CEP170: variants seen among roughly 807,000 people sequenced by gnomAD.
CEP170 encodes centrosomal protein 170.
In CEP170, 21 loss-of-function variants were observed where a neutral mutation model predicts 151.9. The observed-to-expected ratio is 0.14, with a 90% CI of 0.10 to 0.20. The LOEUF (loss-of-function observed/expected upper bound fraction) is 0.20. CEP170 is among the 10% of genes least tolerant of loss of function. The pLI, the probability that CEP170 is intolerant of heterozygous loss-of-function variation, is 1.00. For synonymous variants in CEP170, 356 were observed against 648.8 expected, an observed-to-expected ratio of 0.55 and a Z score of 6.86; for missense variants, 964 against 1,892.9, an observed-to-expected ratio of 0.51 and a Z score of 9.11.
At chr1:243,159,436 TTCTTTCTTAACA>T (rs1229961619) in intron 13 of CEP170, among the ~76,000 whole-genome samples, 1 of 152,202 alleles carries the variant, frequency 6.6e-6, no homozygotes, top group East Asian at 1.9e-4. Context: ...TTTCAAAACT[TTCTTTCTTAACA>T]TTTGCTTCCA....
At position 243,191,991 on chromosome 1, in the gene CEP170, A is replaced by G. The variant is rs140675986; in HGVS notation, c.632-497T>C. ...AAATGAGAATACAAACATGAAGTAA[A>G]TATGTAAGTGATCTTCTGGAAGTAA... On this transcript the variant is annotated intron_variant, in intron 7 of 19. Transcript: ENST00000366542. 7.2e-3 allele frequency among the ~76,000 whole-genome samples: 1,091 copies of G among 152,320 alleles called. 11 individuals are homozygous for G. The highest frequency in any genetic ancestry group is 0.025 in the African/African-American group (1,024 of 41,588).
Position 243,155,627 on chromosome 1 carries a change from TAA to T in CEP170, c.3911+592_3911+593del, listed in dbSNP as rs556262896. 2.3e-3 allele frequency among the ~76,000 whole-genome samples: 355 copies of T among 152,260 alleles called. 1 individual carries two copies. Among genetic ancestry groups the T allele is most frequent in the African/African-American group, 8.3e-3 (346 of 41,550 alleles). On this transcript the variant is annotated intron_variant, in intron 14 of 19. Coordinates refer to ENST00000366542, the MANE Select transcript of CEP170 (RefSeq NM_014812.3). Reference sequence around the variant, plus strand: ...AGCCATAGTAAGTTATTAATTTCCATAAGTTATTAATTAAAAATCATATCTGC... The same window carrying T: ...AGCCATAGTAAGTTATTAATTTCCATGTTATTAATTAAAAATCATATCTGC...
intron 13 of CEP170, among the ~76,000 whole-genome samples, chr1:243,159,803 T>TGTG (rs1558452605): frequency 3.9e-5 from 2 of 51,764 alleles, no homozygotes; most frequent in African/African-American, 9.6e-5. Flanking sequence ...GTGTGTGTGT[T>TGTG]TTTGAGATGG....
intron 1 of CEP170, among the ~76,000 whole-genome samples, chr1:243,227,546 T>G (rs112041362): frequency 9.8e-5 from 15 of 152,316 alleles, no homozygotes; most frequent in African/African-American, 3.4e-4. Context: ...GGGTCAGATT[T>G]AATACAATTA....
intron 3 of CEP170, among the ~76,000 whole-genome samples, chr1:243,212,750 A>G (rs1007905604): frequency 1.3e-5 from 2 of 151,606 alleles, no homozygotes; most frequent in African/African-American, 4.9e-5. Context: ...TGCAGCCTTG[A>G]TTTCCTGGGC....
At chr1:243,203,592 T>C (rs1243583935) in intron 4 of CEP170, among the ~76,000 whole-genome samples, 2 of 152,142 alleles carry the variant, frequency 1.3e-5, no homozygotes, top group Admixed American at 6.5e-5. Flanking sequence ...TCAAAAATCA[T>C]GTCAGATAAT....
At chr1:243,155,649 A>G (rs1475439725) in intron 14 of CEP170, among the ~76,000 whole-genome samples, 3 of 152,128 alleles carry the variant, frequency 2.0e-5, no homozygotes, top group African/African-American at 7.2e-5. Flanking sequence ...TAAAAATCAT[A>G]TCTGCAGCAT....
intron 14 of CEP170, among the ~76,000 whole-genome samples, chr1:243,154,193 G>C (rs1490185954): frequency 2.0e-5 from 3 of 152,258 alleles, no homozygotes; most frequent in African/African-American, 7.2e-5. Context: ...AACAGAAAGA[G>C]TATGCTAAAG....
intron 1 of CEP170, among the ~76,000 whole-genome samples, chr1:243,240,727 C>G (rs1359152454): frequency 6.0e-5 from 9 of 150,632 alleles, no homozygotes; most frequent in Non-Finnish European, 1.2e-4. Flanking sequence ...AGTTTTTGCT[C>G]TGTTGCCCAG....
At chr1:243,197,841 C>G (rs560798662) in intron 7 of CEP170, among the ~76,000 whole-genome samples, 13 of 152,004 alleles carry the variant, frequency 8.6e-5, no homozygotes, top group Admixed American at 1.3e-4. Context: ...CTAAGTAATA[C>G]TGTTTCTGTG....
chr1:243,212,110 G>C, intron 3 of CEP170, 146 bp from the exon 4 acceptor site: 24 of 932,602 alleles, frequency 2.6e-5, no homozygotes, highest in Non-Finnish European at 3.5e-5. Context: ...GTGCCATGCA[G>C]CCTGTAGGCT....
chr1:243,189,118 TACATA>T (rs886207369), intron 8 of CEP170, among the ~76,000 whole-genome samples: 64 of 152,332 alleles, frequency 4.2e-4, no homozygotes, highest in African/African-American at 1.5e-3. Context: ...GTAATATGAT[TACATA>T]ATTTCTAGTA....
intron 10 of CEP170, chr1:243,176,921 T>C (rs577872090): frequency 8.5e-6 from 3 of 351,292 alleles, no homozygotes; most frequent in African/African-American, 6.4e-5. Context: ...CTAAACATTC[T>C]CCAGATAACA....
intron 10 of CEP170, among the ~76,000 whole-genome samples, chr1:243,182,971 C>CT (rs201854768): frequency 0.12 from 16,618 of 143,812 alleles, 1,178 homozygotes; most frequent in Non-Finnish European, 0.17. Context: ...ACAGTGACTA[C>CT]TTTTTTTTTT....
intron 10 of CEP170, among the ~76,000 whole-genome samples, chr1:243,174,042 T>C (rs1214106082): frequency 1.3e-5 from 2 of 152,138 alleles, no homozygotes; most frequent in Non-Finnish European, 2.9e-5. Flanking sequence ...AAGACCTTTG[T>C]TTGAAATGCA....
chr1:243,233,615 C>A (rs2063965378), intron 1 of CEP170, among the ~76,000 whole-genome samples: 1 of 151,270 alleles, frequency 6.6e-6, no homozygotes, highest in Admixed American at 6.6e-5. Flanking sequence ...CGCCTGTAGT[C>A]CCAGCTAATT....
chr1:243,225,398 C>G, intron 1 of CEP170, 77 bp from the exon 2 acceptor site: 1 of 565,344 alleles, frequency 1.8e-6, no homozygotes. Flanking sequence ...ACTGGAAGGC[C>G]TAAGAATAGA....
chr1:243,236,520 T>A (rs1452145619), intron 1 of CEP170, among the ~76,000 whole-genome samples: 1 of 152,144 alleles, frequency 6.6e-6, no homozygotes, highest in Non-Finnish European at 1.5e-5. Flanking sequence ...CTCGAGAAGT[T>A]CACAGACAAG....
At chr1:243,146,830 G>A (rs1323202390) in intron 14 of CEP170, among the ~76,000 whole-genome samples, 3 of 152,076 alleles carry the variant, frequency 2.0e-5, no homozygotes, top group Admixed American at 6.6e-5. Flanking sequence ...AGGCACCAAC[G>A]GGACTTATAT....
Sources: gnomAD v4.1 joint callset for allele counts (sites outside exome capture counted in the v4.1 genomes callset) on GRCh38, gnomAD v4.1.1 for gene constraint, MANE v1.5 for transcripts, NCBI Gene and HGNC (gene_info 2026-07-23, HGNC 2026-07-21) for gene names.